The following DPP10 variants were observed in gnomAD, a reference collection of about 807,000 sequenced individuals.
DPP10 encodes the protein dipeptidyl peptidase like 10.
A neutral mutation model predicts 120.9 loss-of-function variants in DPP10; 33 were observed. The observed-to-expected ratio is 0.27, with a 90% CI of 0.21 to 0.37. DPP10 has a LOEUF of 0.37. Among genes scored for constraint, DPP10 ranks in the 10% least tolerant of loss-of-function variants. DPP10 has a pLI of 1.00. For synonymous variants in DPP10, 337 were observed against 326.1 expected (o/e 1.03, Z -0.36); for missense variants, 816 against 942.8 (o/e 0.87, Z 1.76).
At chr2:114,918,408 A>C (rs1694958576) in intron 1 of DPP10, among the ~76,000 whole-genome samples, 1 of 152,164 alleles carries the variant, frequency 6.6e-6, no homozygotes. Flanking sequence ...TAGAAATGAA[A>C]ACAATCTACC....
intron 3 of DPP10, among the ~76,000 whole-genome samples, chr2:115,352,541 A>G (rs2064102884): frequency 6.6e-6 from 1 of 152,144 alleles, no homozygotes; most frequent in South Asian, 2.1e-4. Context: ...TTCCATCTAT[A>G]TATCCATCTA....
chr2:115,141,337 G>A (rs1283752299), intron 1 of DPP10, among the ~76,000 whole-genome samples: 2 of 152,156 alleles, frequency 1.3e-5, no homozygotes, highest in Non-Finnish European at 2.9e-5. Flanking sequence ...CCGATTACCT[G>A]CTATATTCCA....
chr2:115,165,337 G>A (rs1470658355), intron 1 of DPP10, among the ~76,000 whole-genome samples: 1 of 152,134 alleles, frequency 6.6e-6, no homozygotes, highest in Non-Finnish European at 1.5e-5. Context: ...AACTCATGGA[G>A]GTCTGAAGCC....
intron 5 of DPP10, among the ~76,000 whole-genome samples, chr2:115,613,931 C>T (rs1278490604): frequency 1.3e-5 from 2 of 152,160 alleles, no homozygotes; most frequent in African/African-American, 4.8e-5. Context: ...CTGAGAGTGA[C>T]TCCCATGCCT....
At chr2:115,002,102 G>C (rs1701481491) in intron 1 of DPP10, among the ~76,000 whole-genome samples, 1 of 152,120 alleles carries the variant, frequency 6.6e-6, no homozygotes, top group Non-Finnish European at 1.5e-5. Context: ...AACAGAGCTG[G>C]AGGCATCATG....
chr2:115,413,601 G>C (rs1412006011), intron 3 of DPP10, among the ~76,000 whole-genome samples: 1 of 152,092 alleles, frequency 6.6e-6, no homozygotes, highest in Non-Finnish European at 1.5e-5. Context: ...AAAATCACTA[G>C]CTTGATTTAA....
chr2:115,411,815 A>G (rs1402446), intron 3 of DPP10, among the ~76,000 whole-genome samples: 22,582 of 152,204 alleles, frequency 0.15, 2,516 homozygotes, highest in African/African-American at 0.31. Flanking sequence ...GTTGACACAC[A>G]TGTAGTGGAA....
At chr2:115,333,014 A>T (rs943697931) in intron 2 of DPP10, among the ~76,000 whole-genome samples, 80 of 152,178 alleles carry the variant, frequency 5.3e-4, no homozygotes, top group Non-Finnish European at 7.6e-4. Flanking sequence ...CCTAATGTTG[A>T]CAGTGGGGTG....
Position 115,547,068 on chromosome 2 carries a change from T to A in DPP10, c.441+21096T>A, listed in dbSNP as rs186065762. 1.0e-3 allele frequency among the ~76,000 whole-genome samples: 155 copies of A among 152,314 alleles called. 1 individual carries two copies. The highest frequency in any genetic ancestry group is 3.4e-3 in the Middle Eastern group (1 of 294). ...TTTTTTTCCTTGACTTATTTTTAGT[T>A]GTGCGTATTCCTCTTTATCCCTGAC... On this transcript the variant is annotated intron_variant, in intron 5 of 25. Coordinates refer to ENST00000410059, the MANE Select transcript of DPP10 (RefSeq NM_020868.6).
intron 4 of DPP10, among the ~76,000 whole-genome samples, chr2:115,507,023 C>T (rs977347701): frequency 1.5e-5 from 2 of 134,850 alleles, no homozygotes; most frequent in Admixed American, 7.7e-5. Context: ...GCATTACACA[C>T]ACACGCACGC....
intron 2 of DPP10, among the ~76,000 whole-genome samples, chr2:115,322,823 A>T (rs923115968): frequency 6.6e-6 from 1 of 152,176 alleles, no homozygotes; most frequent in African/African-American, 2.4e-5. Flanking sequence ...TAAGTGTGCA[A>T]TCGCATTATG....
chr2:114,463,122 C>T (rs921816192), intron 1 of DPP10, among the ~76,000 whole-genome samples: 5 of 152,090 alleles, frequency 3.3e-5, no homozygotes, highest in African/African-American at 1.2e-4. Flanking sequence ...GGGGATTCAT[C>T]GCTTCTAGGC....
At chr2:115,086,935 A>G (rs992565663) in intron 1 of DPP10, among the ~76,000 whole-genome samples, 1 of 152,184 alleles carries the variant, frequency 6.6e-6, no homozygotes, top group Non-Finnish European at 1.5e-5. Flanking sequence ...ACAGGGCTTG[A>G]CTATTTTCGT....
chr2:114,974,230 C>A (rs887731957), intron 1 of DPP10, among the ~76,000 whole-genome samples: 1 of 152,054 alleles, frequency 6.6e-6, no homozygotes, highest in African/African-American at 2.4e-5. Context: ...GATAAGTGCA[C>A]CATTGTTTGC....
At chr2:115,583,012 A>C (rs1249759069) in intron 5 of DPP10, among the ~76,000 whole-genome samples, 1 of 152,190 alleles carries the variant, frequency 6.6e-6, no homozygotes, top group Non-Finnish European at 1.5e-5. Flanking sequence ...TGCGTATTTT[A>C]ATCTCCGTTT....
intron 19 of DPP10, among the ~76,000 whole-genome samples, chr2:115,800,401 C>T (rs1259594338): frequency 1.3e-5 from 2 of 152,116 alleles, no homozygotes; most frequent in Non-Finnish European, 2.9e-5. Flanking sequence ...TTCACTCTGA[C>T]AGTAGTTTCT....
intron 1 of DPP10, among the ~76,000 whole-genome samples, chr2:114,721,557 G>A (rs1164113801): frequency 1.3e-5 from 2 of 152,096 alleles, no homozygotes; most frequent in African/African-American, 4.8e-5. Flanking sequence ...TTCTTGACCT[G>A]CTTCTCTTCA....
At chr2:115,560,827 A>G (rs2080606015) in intron 5 of DPP10, among the ~76,000 whole-genome samples, 1 of 152,068 alleles carries the variant, frequency 6.6e-6, no homozygotes, top group Non-Finnish European at 1.5e-5. Flanking sequence ...CTTCCGTACG[A>G]AAGTATTTTG....
intron 1 of DPP10, among the ~76,000 whole-genome samples, chr2:114,673,604 C>T (rs1260615900): frequency 2.6e-5 from 4 of 151,874 alleles, no homozygotes; most frequent in African/African-American, 9.7e-5. Flanking sequence ...TACAGATGCA[C>T]ACCACCTCAT....
Sources: allele counts gnomAD v4.1 joint callset (sites outside exome capture counted in the v4.1 genomes callset), GRCh38; gene constraint gnomAD v4.1.1; transcripts MANE v1.5; gene names NCBI Gene and HGNC (gene_info 2026-07-23, HGNC 2026-07-21).